The following MNAT1 variants were observed in gnomAD, a reference collection of about 807,000 sequenced individuals.
The protein encoded by MNAT1 is MNAT1 component of CDK activating kinase.
A neutral mutation model predicts 42.0 loss-of-function variants in MNAT1; 43 were observed. The ratio of observed to expected loss-of-function variants is 1.02; its 90% CI spans 0.80 to 1.32. MNAT1 has a LOEUF of 1.32. Ranked by LOEUF, MNAT1 falls within the 40% of genes most tolerant of loss-of-function variation. The pLI is 0.00. For synonymous variants in MNAT1, 118 were observed against 120.0 expected (o/e 0.98, Z 0.11); for missense variants, 306 against 350.4 (o/e 0.87, Z 1.01).
rs550560688 is a variant in MNAT1 at position 60,822,841 on chromosome 14, C to CT, written c.687+3995dup. On this transcript the variant is annotated intron_variant, in intron 6 of 7. Transcript: ENST00000261245. ...ACACAATCTGGACTCCCTGCAACCTCTGTCCCCTGGGCTCAAGCGATTCTC... is the reference window on the plus strand; with the variant it reads ...ACACAATCTGGACTCCCTGCAACCTCTTGTCCCCTGGGCTCAAGCGATTCTC... Among the ~76,000 whole-genome samples, 5 of 152,106 alleles carry CT rather than the reference C, an allele frequency of 3.3e-5. No individual in the cohort carries two copies. In the South Asian group the frequency reaches 8.3e-4, roughly 25 times the overall value.
At chr14:60,837,701 C>A (rs796196224) in intron 6 of MNAT1, among the ~76,000 whole-genome samples, 2 of 152,204 alleles carry the variant, frequency 1.3e-5, no homozygotes, top group African/African-American at 4.8e-5. Flanking sequence ...TTAATCAGAG[C>A]CTCTCCTAGA....
intron 1 of MNAT1, among the ~76,000 whole-genome samples, chr14:60,758,224 T>C (rs2030444503): frequency 6.6e-6 from 1 of 151,894 alleles, no homozygotes; most frequent in Admixed American, 6.6e-5. Flanking sequence ...TTTTTCTTTT[T>C]GAGGTAGGGT....
At chr14:60,815,048 C>G (rs778196515) in intron 5 of MNAT1, among the ~76,000 whole-genome samples, 2 of 151,976 alleles carry the variant, frequency 1.3e-5, no homozygotes, top group Non-Finnish European at 2.9e-5. Context: ...GTTACAGGCT[C>G]TTTTTTGGAT....
chr14:60,759,454 A>C (rs2030503957), intron 1 of MNAT1, among the ~76,000 whole-genome samples: 1 of 152,212 alleles, frequency 6.6e-6, no homozygotes, highest in Admixed American at 6.5e-5. Flanking sequence ...AAAAATGAGG[A>C]GACATCATGT....
intron 5 of MNAT1, 109 bp downstream of exon 5, chr14:60,812,236 G>A: frequency 9.2e-7 from 1 of 1,084,636 alleles, no homozygotes; most frequent in South Asian, 2.5e-5. Context: ...TTTGTAATCT[G>A]GTTCACCTTT....
chr14:60,869,040 A>ATATATATATATTT (rs1465360826), intron 6 of MNAT1, among the ~76,000 whole-genome samples: 6 of 113,026 alleles, frequency 5.3e-5, no homozygotes, highest in East Asian at 2.3e-4. Context: ...ATATATATAT[A>ATATATATATATTT]TTTTTTTTTT....
chr14:60,856,516 G>T (rs1223499878), intron 6 of MNAT1, among the ~76,000 whole-genome samples: 5 of 152,174 alleles, frequency 3.3e-5, no homozygotes, highest in African/African-American at 1.2e-4. Flanking sequence ...ATATTTTTCA[G>T]TGTAGATTAA....
intron 7 of MNAT1, among the ~76,000 whole-genome samples, chr14:60,924,383 TA>T (rs5809071): frequency 0.82 from 106,634 of 130,272 alleles, 45,421 homozygotes; most frequent in Non-Finnish European, 0.95. Flanking sequence ...AGTGCCTGTT[TA>T]AAAAAAAAAA....
At chr14:60,966,027 A>G (rs1316414234) in intron 7 of MNAT1, among the ~76,000 whole-genome samples, 1 of 152,230 alleles carries the variant, frequency 6.6e-6, no homozygotes, top group African/African-American at 2.4e-5. Context: ...GTGTCTTGGA[A>G]AGTAATAAGC....
chr14:60,753,438 A>G (rs1173398848), intron 1 of MNAT1: 1 of 152,222 alleles, frequency 6.6e-6, no homozygotes, highest in Non-Finnish European at 1.5e-5. Flanking sequence ...TTTTGTCAGG[A>G]GTCCTCAGTT....
At chr14:60,909,664 T>C (rs1299714287) in intron 7 of MNAT1, among the ~76,000 whole-genome samples, 1 of 152,170 alleles carries the variant, frequency 6.6e-6, no homozygotes, top group Non-Finnish European at 1.5e-5. Context: ...GAGGGCTCTG[T>C]TCTGTTCCAT....
chr14:60,813,479 G>A (rs1475381816), intron 5 of MNAT1, among the ~76,000 whole-genome samples: 1 of 152,136 alleles, frequency 6.6e-6, no homozygotes, highest in Non-Finnish European at 1.5e-5. Context: ...TTACAAGAGA[G>A]AATATCCCAA....
At chr14:60,959,570 A>G (rs1380833800) in intron 7 of MNAT1, among the ~76,000 whole-genome samples, 1 of 152,208 alleles carries the variant, frequency 6.6e-6, no homozygotes, top group African/African-American at 2.4e-5. Flanking sequence ...GATCAGTGCT[A>G]GCCTTGGGAA....
intron 5 of MNAT1, among the ~76,000 whole-genome samples, chr14:60,813,698 A>G (rs1393556779): frequency 1.3e-5 from 2 of 152,152 alleles, no homozygotes; most frequent in Non-Finnish European, 2.9e-5. Flanking sequence ...GCATAATATA[A>G]ATTCATTTGG....
chr14:60,780,621 T>C (rs2031424053), intron 1 of MNAT1: 2 of 1,281,078 alleles, frequency 1.6e-6, no homozygotes, highest in Admixed American at 4.2e-5. Flanking sequence ...ATAATGTAAT[T>C]GTAATTTTGA....
chr14:60,763,585 G>A (rs4151165), intron 1 of MNAT1, among the ~76,000 whole-genome samples: 230 of 152,214 alleles, frequency 1.5e-3, no homozygotes, highest in African/African-American at 4.9e-3. Flanking sequence ...TTTTCACTCG[G>A]TTAAATCCCA....
At chr14:60,768,274 A>G (rs2030915108) in intron 1 of MNAT1, among the ~76,000 whole-genome samples, 2 of 152,218 alleles carry the variant, frequency 1.3e-5, no homozygotes, top group Admixed American at 1.3e-4. Flanking sequence ...TGTATTACTC[A>G]TTTATTAAGA....
At chr14:60,791,373 T>G (rs1399866475) in intron 1 of MNAT1, among the ~76,000 whole-genome samples, 5 of 152,168 alleles carry the variant, frequency 3.3e-5, no homozygotes, top group African/African-American at 1.2e-4. Context: ...AGGCCATCAC[T>G]TCTCTACCTG....
intron 1 of MNAT1, 88 bp downstream of exon 1, chr14:60,735,039 C>G (rs746587815): frequency 1.6e-6 from 2 of 1,272,402 alleles, no homozygotes; most frequent in Non-Finnish European, 2.3e-6. Flanking sequence ...GTCTTGGGAG[C>G]AAAGGGCGTT....
Sources: allele counts gnomAD v4.1 joint callset (sites outside exome capture counted in the v4.1 genomes callset), GRCh38; gene constraint gnomAD v4.1.1; transcripts MANE v1.5; gene names NCBI Gene and HGNC (gene_info 2026-07-23, HGNC 2026-07-21).